The following GRIN2A variants were observed in gnomAD, a reference collection of about 807,000 sequenced individuals.
The protein encoded by GRIN2A is glutamate ionotropic receptor NMDA type subunit 2A, also known as glutamate receptor ionotropic, NMDA 2A.
GRIN2A carries 22 observed loss-of-function variants against 113.4 expected under a neutral mutation model. That is an observed-to-expected ratio of 0.19 (90% CI 0.14 to 0.28). GRIN2A has a LOEUF of 0.28. GRIN2A is among the 10% of genes least tolerant of loss of function. The probability of loss-of-function intolerance (pLI) is 1.00; values close to 1 mark genes in which losing one functional copy is unlikely to be tolerated. For synonymous variants in GRIN2A, 827 were observed against 738.4 expected (o/e 1.12, Z -1.94); for missense variants, 1,502 against 1,887.0 (o/e 0.80, Z 3.78).
At chr16:10,100,773 A>G (rs1202915380) in intron 2 of GRIN2A, among the ~76,000 whole-genome samples, 2 of 152,200 alleles carry the variant, frequency 1.3e-5, no homozygotes, top group Non-Finnish European at 2.9e-5. Context: ...TAGCGCCCAG[A>G]AAGTGTAAGT....
intron 2 of GRIN2A, chr16:10,037,203 T>C (rs2047053276): frequency 6.6e-6 from 1 of 152,180 alleles, no homozygotes; most frequent in African/African-American, 2.4e-5. Context: ...GTCATTTAAA[T>C]GAAAGGGCAC....
intron 8 of GRIN2A, among the ~76,000 whole-genome samples, chr16:9,831,103 C>T (rs1287611652): frequency 6.6e-6 from 1 of 152,104 alleles, no homozygotes; most frequent in East Asian, 1.9e-4. Context: ...TACAAAGAAA[C>T]AAGTAGCTGT....
chr16:9,974,316 G>A (rs1452190092), intron 2 of GRIN2A, among the ~76,000 whole-genome samples: 1 of 152,112 alleles, frequency 6.6e-6, no homozygotes, highest in African/African-American at 2.4e-5. Flanking sequence ...ACCTAAGCCT[G>A]GTAGTTAAAG....
Position 9,761,740 on chromosome 16 carries a change from A to T in GRIN2A, c.*1409T>A, listed in dbSNP as rs1204662559. On this transcript the variant is annotated 3_prime_UTR_variant, in exon 13 of 13. Transcript: ENST00000330684. ...TTAAAAAAAAAATGGATATCATTTC[A>T]TGTCATATATGCACAGGTTTGAGGA... 1 of 217,420 alleles carries T rather than the reference A, an allele frequency of 4.6e-6. No homozygotes were observed. The highest frequency in any genetic ancestry group is 9.2e-6 in the Non-Finnish European group (1 of 108,182). The allele number at this position is 217,420 out of a possible 1,614,324, so 13.5% of individuals were successfully genotyped here.
chr16:9,837,787 T>G (rs1457123107), intron 7 of GRIN2A, among the ~76,000 whole-genome samples: 1 of 152,166 alleles, frequency 6.6e-6, no homozygotes, highest in African/African-American at 2.4e-5. Flanking sequence ...GAGGCTCTCT[T>G]ATTAAAATAC....
chr16:9,817,504 G>GT (rs2042206987), intron 10 of GRIN2A, among the ~76,000 whole-genome samples: 1 of 152,202 alleles, frequency 6.6e-6, no homozygotes, highest in African/African-American at 2.4e-5. Context: ...ACAGTTGTTT[G>GT]CATATGTGGT....
At chr16:10,050,028 C>G (rs556619212) in intron 2 of GRIN2A, among the ~76,000 whole-genome samples, 2 of 152,150 alleles carry the variant, frequency 1.3e-5, no homozygotes, top group Non-Finnish European at 2.9e-5. Flanking sequence ...GTCTATGTCC[C>G]GATACCAAGA....
chr16:9,790,801 G>C (rs999159902), intron 11 of GRIN2A, among the ~76,000 whole-genome samples: 1 of 152,198 alleles, frequency 6.6e-6, no homozygotes, highest in Non-Finnish European at 1.5e-5. Flanking sequence ...TGTATCTGCA[G>C]TATTTTCTAA....
intron 4 of GRIN2A, among the ~76,000 whole-genome samples, chr16:9,880,968 C>G (rs886466789): frequency 2.0e-5 from 3 of 152,164 alleles, no homozygotes; most frequent in Admixed American, 6.6e-5. Context: ...TCTTGAAAAC[C>G]AGATGTCTTA....
At chr16:10,169,018 A>AATT (rs1555490042) in intron 2 of GRIN2A, among the ~76,000 whole-genome samples, 1 of 136,894 alleles carries the variant, frequency 7.3e-6, no homozygotes. Context: ...TAATAATAAT[A>AATT]ATTTCACTCT....
intron 2 of GRIN2A, among the ~76,000 whole-genome samples, chr16:10,042,965 A>T (rs1236473726): frequency 1.3e-5 from 2 of 152,240 alleles, no homozygotes; most frequent in African/African-American, 4.8e-5. Context: ...TGAATCCATC[A>T]GTCCCCAACT....
intron 2 of GRIN2A, among the ~76,000 whole-genome samples, chr16:9,979,533 G>T (rs768482663): frequency 6.6e-6 from 1 of 151,910 alleles, no homozygotes; most frequent in Non-Finnish European, 1.5e-5. Context: ...GCTAGAGCAG[G>T]GTCTTTGTCC....
At chr16:9,895,099 A>G in intron 3 of GRIN2A, among the ~76,000 whole-genome samples, 1 of 152,184 alleles carries the variant, frequency 6.6e-6, no homozygotes, top group East Asian at 1.9e-4. Flanking sequence ...AAAATACTTA[A>G]TTTTTCAAGG....
In GRIN2A at chr16:10,094,424, T is replaced by G. The variant is rs1231121604; in HGVS notation, c.414+85574A>C. ...TTTTTAGAACTCTAGTTCTCAGTTC[T>G]GACTGCATATTATTCTCACCAAGAA... On this transcript the variant is annotated intron_variant, in intron 2 of 12. Coordinates refer to ENST00000330684, the MANE Select transcript of GRIN2A (RefSeq NM_001134407.3). Among the ~76,000 whole-genome samples the G allele has an allele frequency of 2.0e-5, 3 of 152,068 alleles. No individual in the cohort carries two copies. In the East Asian group the frequency reaches 5.8e-4, roughly 29 times the overall value.
At chr16:10,157,878 T>C (rs2049732635) in intron 2 of GRIN2A, among the ~76,000 whole-genome samples, 1 of 152,210 alleles carries the variant, frequency 6.6e-6, no homozygotes, top group Admixed American at 6.5e-5. Context: ...TTTTTACTAG[T>C]GGCAAGATTT....
intron 2 of GRIN2A, among the ~76,000 whole-genome samples, chr16:10,058,278 CCAAAAAACAAAAAAA>C (rs1225787150): frequency 3.0e-4 from 42 of 141,220 alleles, no homozygotes; most frequent in Non-Finnish European, 5.1e-4. Context: ...AACAAAAAAA[CCAAAAAACAAAAAAA>C]CAAAAAACAA....
chr16:10,050,844 C>T (rs1160563130), intron 2 of GRIN2A, among the ~76,000 whole-genome samples: 1 of 152,126 alleles, frequency 6.6e-6, no homozygotes, highest in Admixed American at 6.5e-5. Context: ...CAGAGGAGCA[C>T]AGCCCTGCTT....
intron 3 of GRIN2A, among the ~76,000 whole-genome samples, chr16:9,900,382 C>T (rs571943237): frequency 6.6e-6 from 1 of 152,304 alleles, no homozygotes; most frequent in Non-Finnish European, 1.5e-5. Flanking sequence ...CCCTGGGCAT[C>T]CAACTCTATT....
At chr16:9,829,363 C>G (rs2042445351) in intron 9 of GRIN2A, 60 bp downstream of exon 9, 5 of 1,063,174 alleles carry the variant, frequency 4.7e-6, no homozygotes, top group Non-Finnish European at 5.9e-6. Context: ...ATCTCTTCCT[C>G]CTGAAAGGAG....
Sources: gnomAD v4.1 joint callset for allele counts (sites outside exome capture counted in the v4.1 genomes callset) on GRCh38, gnomAD v4.1.1 for gene constraint, MANE v1.5 for transcripts, NCBI Gene and HGNC (gene_info 2026-07-23, HGNC 2026-07-21) for gene names.